The following DYSF variants were observed in gnomAD, a reference collection of about 807,000 sequenced individuals.
The protein encoded by DYSF is dysferlin, also known as dystrophy-associated fer-1-like 1.
In DYSF, 212 loss-of-function variants were observed where a neutral mutation model predicts 274.9. The observed-to-expected ratio is 0.77, with a 90% CI of 0.69 to 0.86. The LOEUF is 0.86. Among genes scored for constraint, DYSF ranks in the 40% least tolerant of loss-of-function variants. The pLI, the probability that DYSF is intolerant of heterozygous loss-of-function variation, is 0.00. For missense variants in DYSF, 2,666 were observed against 2,783.2 expected, an observed-to-expected ratio of 0.96 and a Z score of 0.95; for synonymous variants, 1,091 against 1,078.7, an observed-to-expected ratio of 1.01 and a Z score of -0.22.
chr2:71,608,936 T>C (rs866937178), intron 36 of DYSF, among the ~76,000 whole-genome samples: 4 of 108,526 alleles, frequency 3.7e-5, no homozygotes, highest in African/African-American at 3.1e-4. Context: ...CCCTGATGGT[T>C]TTTTTTTTTG....
At chr2:71,674,096 A>G (rs952978156) in intron 51 of DYSF, 101 bp from the exon 52 acceptor site, 1 of 1,013,872 alleles carries the variant, frequency 9.9e-7, no homozygotes, top group Admixed American at 1.9e-5. Flanking sequence ...GGGACATCCT[A>G]CTCCTCTGCC....
intron 40 of DYSF, among the ~76,000 whole-genome samples, chr2:71,619,027 C>T (rs1464127887): frequency 6.6e-6 from 1 of 151,990 alleles, no homozygotes. Context: ...GCAAATTATG[C>T]CCGAGTCCCA....
At chr2:71,503,379 T>G in intron 4 of DYSF, 60 bp downstream of exon 4, 1 of 1,561,286 alleles carries the variant, frequency 6.4e-7, no homozygotes, top group Middle Eastern at 1.8e-4. Context: ...TGGCTTCCTC[T>G]TTGGGCCTTG....
chr2:71,526,574 G>C (rs561515548), intron 13 of DYSF, among the ~76,000 whole-genome samples: 30 of 152,360 alleles, frequency 2.0e-4, no homozygotes, highest in East Asian at 3.9e-4. Flanking sequence ...CTCTGGGCCT[G>C]GTCTGGCAAT....
chr2:71,661,739 G>A (rs1309801414), intron 45 of DYSF, among the ~76,000 whole-genome samples: 1 of 152,168 alleles, frequency 6.6e-6, no homozygotes, highest in African/African-American at 2.4e-5. Context: ...CTACTGTTCC[G>A]ATGTCATCAA....
chr2:71,632,846 C>T (rs1163301194), intron 41 of DYSF, among the ~76,000 whole-genome samples: 3 of 152,172 alleles, frequency 2.0e-5, no homozygotes, highest in Non-Finnish European at 2.9e-5. Flanking sequence ...CACAGCTCCC[C>T]GACTCTCTGT....
At chr2:71,516,362 G>A in intron 9 of DYSF, 120 bp downstream of exon 9, 1 of 962,176 alleles carries the variant, frequency 1.0e-6, no homozygotes, top group Non-Finnish European at 1.6e-6. Context: ...ATGCGTGAAT[G>A]CGTGTGTGTG....
At chr2:71,540,431 C>T (rs925869454) in intron 17 of DYSF, among the ~76,000 whole-genome samples, 2 of 152,072 alleles carry the variant, frequency 1.3e-5, no homozygotes, top group Non-Finnish European at 2.9e-5. Flanking sequence ...ATTTTTAAGA[C>T]TTTTGATATT....
intron 52 of DYSF, among the ~76,000 whole-genome samples, chr2:71,676,181 T>C (rs554510982): frequency 6.6e-6 from 1 of 152,322 alleles, no homozygotes; most frequent in Admixed American, 6.5e-5. Context: ...CTCTGAGAAG[T>C]AGATATGTCT....
At chr2:71,543,924 A>AGGAGAGGGAGAG (rs200785100) in intron 17 of DYSF, among the ~76,000 whole-genome samples, 1 of 139,738 alleles carries the variant, frequency 7.2e-6, no homozygotes, top group East Asian at 2.1e-4. Flanking sequence ...GGGAGGGAGA[A>AGGAGAGGGAGAG]GGAGAGGGAG....
intron 3 of DYSF, among the ~76,000 whole-genome samples, chr2:71,487,037 T>C (rs986172600): frequency 1.3e-5 from 2 of 152,160 alleles, no homozygotes; most frequent in African/African-American, 2.4e-5. Flanking sequence ...TCTGATTTCG[T>C]TGGTTTGGGG....
Position 71,553,161 on chromosome 2 carries a change from A to G in DYSF, c.1957A>G (p.Thr653Ala). 1 of 1,613,936 alleles carries G rather than the reference A, an allele frequency of 6.2e-7. No homozygotes were observed. The change falls in exon 20 of 56, where the codon ACT (threonine) becomes GCT (alanine). Residue 653 changes from threonine to alanine, a missense_variant. Physicochemically the swap from Thr to Ala is moderately conservative, Grantham distance 58 (BLOSUM62 0). This residue lies in a region of DYSF where 412 missense variants were observed against 504.0 expected (regional missense o/e 0.82). Coordinates refer to ENST00000410020, the MANE Select transcript of DYSF (RefSeq NM_001130987.2). Reference protein sequence around the residue: ...DMTCLPLASTTQYSRAVFDGC... With the variant: ...DMTCLPLASTAQYSRAVFDGC... ...GACCTGCCTGCCGCTGGCCTCCACC[A>G]CTCAGTACAGCCGTGCAGTCTTTGA...
chr2:71,613,978 T>G (rs1053290373), intron 40 of DYSF, among the ~76,000 whole-genome samples: 12 of 152,306 alleles, frequency 7.9e-5, no homozygotes, highest in African/African-American at 2.9e-4. Flanking sequence ...TCTCCAGCCC[T>G]GGGGGAGGTA....
chr2:71,489,647 G>C (rs2083654527), intron 3 of DYSF, among the ~76,000 whole-genome samples: 1 of 152,176 alleles, frequency 6.6e-6, no homozygotes, highest in Non-Finnish European at 1.5e-5. Context: ...CATGGGAGAC[G>C]ACAGAGGCGC....
At chr2:71,590,018 G>A (rs2093210558) in intron 31 of DYSF, among the ~76,000 whole-genome samples, 193 bp from the exon 32 acceptor site, 1 of 152,090 alleles carries the variant, frequency 6.6e-6, no homozygotes, top group South Asian at 2.1e-4. Context: ...CCAAGGACAT[G>A]TTAATTAGTC....
chr2:71,636,976 A>C (rs72829445), intron 41 of DYSF, among the ~76,000 whole-genome samples: 3,017 of 152,250 alleles, frequency 0.02, 43 homozygotes, highest in Middle Eastern at 0.058. Flanking sequence ...TCCTGGATTG[A>C]TTATTGAGGC....
exon 1 of DYSF, chr2:71,453,908 G>T: frequency 7.6e-7 from 1 of 1,315,764 alleles, no homozygotes; most frequent in South Asian, 1.2e-5. Flanking sequence ...GCCCTCTCCA[G>T]CGAGGGGACC....
In DYSF at chr2:71,682,569, C is replaced by A. The variant is rs1012723902; in HGVS notation, c.6213C>A (p.Tyr2071Ter). 6.2e-7 allele frequency: 1 copy of A among 1,614,120 alleles called. No individual in the cohort carries two copies. The highest frequency in any genetic ancestry group is 1.1e-5 in the South Asian group (1 of 91,052). Residue 2071 changes from tyrosine to a stop codon, truncating the protein, a stop_gained, in exon 55 of 56, where the codon TAC (tyrosine) becomes TAA (stop). Coordinates refer to ENST00000410020, the MANE Select transcript of DYSF (RefSeq NM_001130987.2). LOFTEE classifies it high-confidence loss of function. Reference protein sequence around the residue: ...DTSFLWFTSPYKTMKFILWRR... With the variant: ...DTSFLWFTSP The stretch of plus-strand genomic sequence containing the variant: ...CCTTCCTGTGGTTTACCTCCCCATA[C>A]AAGACCATGAAGTTCATCCTGTGGC...
At chr2:71,620,675 A>C in intron 41 of DYSF, 66 bp downstream of exon 41, 47 of 754,732 alleles carry the variant, frequency 6.2e-5, no homozygotes, top group Middle Eastern at 2.7e-4. Context: ...TAGGGGGGTT[A>C]GGAGGGAAAT....
Sources: gnomAD v4.1 joint callset for allele counts (sites outside exome capture counted in the v4.1 genomes callset) on GRCh38, gnomAD v4.1.1 for gene constraint, gnomAD v4.1.1 regional missense constraint, MANE v1.5 for transcripts, NCBI Gene and HGNC (gene_info 2026-07-23, HGNC 2026-07-21) for gene names.